The following PPP4R1 variants were observed in gnomAD, a reference collection of about 807,000 sequenced individuals.
PPP4R1 encodes the protein protein phosphatase 4 regulatory subunit 1.
A neutral mutation model predicts 111.2 loss-of-function variants in PPP4R1; 42 were observed. The ratio of observed to expected loss-of-function variants is 0.38; its 90% confidence interval spans 0.29 to 0.49. The LOEUF is 0.49. Ranked by LOEUF, PPP4R1 falls within the 20% of genes least tolerant of loss-of-function variation. The pLI is 0.97. For synonymous variants in PPP4R1, 409 were observed against 405.5 expected (o/e 1.01, Z -0.10); for missense variants, 1,012 against 1,161.6 (o/e 0.87, Z 1.87).
chr18:9,601,105 T>TA (rs1039302157), intron 2 of PPP4R1, among the ~76,000 whole-genome samples: 1 of 151,588 alleles, frequency 6.6e-6, no homozygotes, highest in African/African-American at 2.4e-5. Flanking sequence ...ACTGATGAAG[T>TA]AAAAAAACCA....
At chr18:9,590,963 A>G (rs1319057790) in intron 4 of PPP4R1, among the ~76,000 whole-genome samples, 1 of 152,212 alleles carries the variant, frequency 6.6e-6, no homozygotes, top group African/African-American at 2.4e-5. Context: ...ATACACATAA[A>G]TGACATACGG....
At chr18:9,570,052 T>C (rs1317021954) in intron 11 of PPP4R1, 105 bp downstream of exon 11, 1 of 1,272,934 alleles carries the variant, frequency 7.9e-7, no homozygotes, top group Non-Finnish European at 1.1e-6. Flanking sequence ...GCCCAGTCCA[T>C]AATACATTAT....
intron 2 of PPP4R1, among the ~76,000 whole-genome samples, chr18:9,596,063 T>C (rs1344420613): frequency 6.6e-6 from 1 of 152,198 alleles, no homozygotes; most frequent in African/African-American, 2.4e-5. Flanking sequence ...AAATATACTT[T>C]CCAGAACTGT....
rs1202367143 is a variant in PPP4R1 at position 9,557,201 on chromosome 18, C to CA, written c.2190+19dup. 9 of 1,552,026 alleles carry CA rather than the reference C, an allele frequency of 5.8e-6. No homozygotes were observed. The highest frequency in any genetic ancestry group is 1.4e-5 in the African/African-American group (1 of 71,418). ...GGCAGAATTTTGTTGTGTTTTTATG[C>CA]AAAAAAATTTAAAAGTTACCTTCAG... On this transcript the variant is annotated intron_variant, in intron 15 of 19. Transcript: ENST00000400556.
rs775932077 is a variant in PPP4R1, at chr18:9,557,418, A to G, written c.2029-36T>C. On this transcript the variant is annotated intron_variant, in intron 14 of 19. Coordinates refer to ENST00000400556, the MANE Select transcript of PPP4R1 (RefSeq NM_001042388.3). Reference sequence around the variant, plus strand: ...GAAAACACATTAGTAAGCTAACCACAAAGTACGCAGTACTTTAACCATTAG... The same window carrying G: ...GAAAACACATTAGTAAGCTAACCACGAAGTACGCAGTACTTTAACCATTAG... The G allele has an allele frequency of 3.2e-6, 5 of 1,551,498 alleles. No individual in the cohort carries two copies. The East Asian group carries it at 6.9e-5, about 21-fold the overall frequency.
At chr18:9,570,105 C>T (rs1485603056) in intron 11 of PPP4R1, 52 bp downstream of exon 11, 1 of 1,463,750 alleles carries the variant, frequency 6.8e-7, no homozygotes, top group Non-Finnish European at 9.1e-7. Flanking sequence ...TTAAGATAGA[C>T]ACTAATATTT....
intron 5 of PPP4R1, 144 bp downstream of exon 5, chr18:9,588,567 C>T: frequency 1.1e-6 from 1 of 939,064 alleles, no homozygotes; most frequent in African/African-American, 1.7e-5. Flanking sequence ...CTAGATTTGT[C>T]AGACTCTAAA....
Position 9,614,092 on chromosome 18 carries a change from C to T in PPP4R1, c.52+134G>A. The T allele has an allele frequency of 1.3e-6, 1 of 770,812 alleles. No individual in the cohort carries two copies. The highest frequency in any genetic ancestry group is 1.7e-6 in the Non-Finnish European group (1 of 584,522). 47.7% of individuals were successfully genotyped at this position (770,812 alleles called of 1,614,324 possible). A position where few individuals can be genotyped will look rare whatever the true frequency, so the allele number is the denominator to read the frequency against. ...GCGAGATTTTCCCCCCCGATCGCCA[C>T]CCCAGCCCGCCTGGGGCCGCCCTCG... is the stretch of plus-strand genomic sequence containing the variant. On this transcript the variant is annotated intron_variant, in intron 2 of 19. Coordinates refer to ENST00000400556, the MANE Select transcript of PPP4R1 (RefSeq NM_001042388.3). This position sits in a 1 kb window ranked among gnomAD's most constrained non-coding sequence, Gnocchi z 4.1.
rs2066513221 is a variant in PPP4R1, at chr18:9,552,982, T to C, written c.2291+340A>G. Among the ~76,000 whole-genome samples, 3 of 152,204 alleles carry C rather than the reference T, an allele frequency of 2.0e-5. No individual in the cohort carries two copies. The South Asian group carries it at 6.2e-4, about 31-fold the overall frequency. Reference sequence around the variant, plus strand: ...ATAGATAGTAGATGCTTATTGGGCATGGGTTTTTCTTTTCGGGAGGTTAAC... The same window carrying C: ...ATAGATAGTAGATGCTTATTGGGCACGGGTTTTTCTTTTCGGGAGGTTAAC... On this transcript the variant is annotated intron_variant, in intron 16 of 19. Transcript: ENST00000400556.
At position 9,562,032 on chromosome 18, in the gene PPP4R1, A is replaced by G; in HGVS notation, c.1790T>C (p.Leu597Ser). ...TLHYIHSDSD[L>S]SNNSSFSPDE... ...AGGGCTAAAACTGCTATTGTTGCTC[A>G]AGTCTGAATCGCTGTGAATATAGTG... The change falls in exon 13 of 20, where the codon TTG becomes TCG. Residue 597 changes from leucine to serine, a missense_variant. Leu to Ser is a moderately radical substitution (Grantham distance 145, BLOSUM62 -2). This residue lies in a region of PPP4R1 where 707 missense variants were observed against 742.1 expected (regional missense o/e 0.95). Transcript: ENST00000400556. 1 of 1,613,402 alleles carries G rather than the reference A, an allele frequency of 6.2e-7. No individual in the cohort carries two copies.
intron 11 of PPP4R1, among the ~76,000 whole-genome samples, chr18:9,569,325 A>T (rs2066821708): frequency 6.6e-6 from 1 of 152,252 alleles, no homozygotes; most frequent in Non-Finnish European, 1.5e-5. Context: ...TCAAAAGTTG[A>T]CTATGCTTGC....
upstream of PPP4R1, among the ~76,000 whole-genome samples, chr18:9,616,373 A>G (rs967817338): frequency 6.6e-5 from 10 of 151,656 alleles, no homozygotes; most frequent in Non-Finnish European, 1.0e-4. Flanking sequence ...TGGCCTCAAG[A>G]GATCCTCCCA....
intron 11 of PPP4R1, among the ~76,000 whole-genome samples, chr18:9,568,918 C>T (rs558675794): frequency 6.6e-6 from 1 of 151,982 alleles, no homozygotes; most frequent in South Asian, 2.1e-4. Context: ...GCCTGTAGTC[C>T]CAGCTACTTG....
intron 10 of PPP4R1, among the ~76,000 whole-genome samples, chr18:9,574,247 T>C (rs890530012): frequency 1.3e-5 from 2 of 152,186 alleles, no homozygotes; most frequent in African/African-American, 4.8e-5. Flanking sequence ...GAATCTTAAG[T>C]GTCTTTTTGT....
chr18:9,610,467 A>G (rs1291287331), intron 2 of PPP4R1, among the ~76,000 whole-genome samples: 1 of 152,012 alleles, frequency 6.6e-6, no homozygotes, highest in Non-Finnish European at 1.5e-5. Flanking sequence ...TTATTCTCCT[A>G]AACTTTTTTT....
intron 11 of PPP4R1, among the ~76,000 whole-genome samples, chr18:9,569,346 CTA>C (rs2066821968): frequency 6.6e-6 from 1 of 152,200 alleles, no homozygotes; most frequent in South Asian, 2.1e-4. Flanking sequence ...TGTGAACATT[CTA>C]TAGTCTTTTC....
rs73395780 is a variant in PPP4R1, at chr18:9,561,284, C to T, written c.1842+696G>A. Among the ~76,000 whole-genome samples the T allele has an allele frequency of 7.4e-3, 1,113 of 150,900 alleles. 20 individuals are homozygous for T. Among genetic ancestry groups the T allele is most frequent in the African/African-American group, 0.025 (1,050 of 41,208 alleles). ...AATAAAGTCATAGAAGCAAACAACA[C>T]GTACAGACAGTCATGGTGAATGCAG... is the stretch of plus-strand genomic sequence containing the variant. On this transcript the variant is annotated intron_variant, in intron 13 of 19. Transcript: ENST00000400556.
chr18:9,587,246 T>A (rs987162049), intron 6 of PPP4R1: 12 of 152,208 alleles, frequency 7.9e-5, no homozygotes, highest in African/African-American at 2.9e-4. Flanking sequence ...ACATAATAAT[T>A]TACAATTATG....
chr18:9,564,559 G>A (rs1291002946), intron 11 of PPP4R1, among the ~76,000 whole-genome samples: 2 of 151,950 alleles, frequency 1.3e-5, no homozygotes, highest in East Asian at 3.9e-4. Flanking sequence ...TCAGAATTTC[G>A]GCTGCAATTT....
Sources: gnomAD v4.1 joint callset for allele counts (sites outside exome capture counted in the v4.1 genomes callset) on GRCh38, gnomAD v4.1.1 for gene constraint, gnomAD v4.1.1 regional missense constraint, Gnocchi (gnomAD v3.1) non-coding constraint, MANE v1.5 for transcripts, NCBI Gene and HGNC (gene_info 2026-07-23, HGNC 2026-07-21) for gene names.